ZNF704: variants seen among roughly 807,000 people sequenced by gnomAD.
ZNF704 encodes zinc finger protein 704.
ZNF704 carries 10 observed loss-of-function variants against 44.7 expected under a neutral mutation model. That is an observed-to-expected ratio of 0.22 (90% CI 0.14 to 0.38). The LOEUF is 0.38. ZNF704 is among the 10% of genes least tolerant of loss of function. The pLI is 1.00. For synonymous variants in ZNF704, 211 were observed against 207.6 expected, an observed-to-expected ratio of 1.02 and a Z score of -0.14; for missense variants, 390 against 545.5, an observed-to-expected ratio of 0.71 and a Z score of 2.84.
chr8:80,653,795 C>A (rs1585925411), intron 7 of ZNF704, among the ~76,000 whole-genome samples: 1 of 152,150 alleles, frequency 6.6e-6, no homozygotes, highest in African/African-American at 2.4e-5. Context: ...AATGTCATCC[C>A]CATCAAGCTA....
chr8:80,834,618 G>A (rs150791115), intron 1 of ZNF704, among the ~76,000 whole-genome samples: 24 of 152,122 alleles, frequency 1.6e-4, no homozygotes, highest in East Asian at 1.5e-3. Flanking sequence ...GTACCTATCC[G>A]CCCGTCATCT....
intron 1 of ZNF704, among the ~76,000 whole-genome samples, chr8:80,867,273 G>C (rs186323973): frequency 8.2e-4 from 125 of 152,294 alleles, no homozygotes; most frequent in African/African-American, 2.6e-3. Context: ...TCCACCTCTA[G>C]CTGAGGTACT....
intron 2 of ZNF704, among the ~76,000 whole-genome samples, chr8:80,801,817 C>G (rs1436958398): frequency 6.6e-6 from 1 of 151,822 alleles, no homozygotes; most frequent in African/African-American, 2.4e-5. Context: ...AAGAAATAAC[C>G]AAGATCAGAG....
At chr8:80,814,957 G>C (rs1476484785) in intron 2 of ZNF704, among the ~76,000 whole-genome samples, 1 of 152,134 alleles carries the variant, frequency 6.6e-6, no homozygotes, top group Non-Finnish European at 1.5e-5. Flanking sequence ...TAAAAGAAAG[G>C]AGAAAATGTA....
chr8:80,734,089 T>C (rs1051261965), intron 2 of ZNF704, among the ~76,000 whole-genome samples: 1 of 152,198 alleles, frequency 6.6e-6, no homozygotes, highest in African/African-American at 2.4e-5. Context: ...TTATGACAAG[T>C]CAACTGGTCA....
chr8:80,810,872 G>T (rs1360591387), intron 2 of ZNF704, among the ~76,000 whole-genome samples: 1 of 152,156 alleles, frequency 6.6e-6, no homozygotes, highest in African/African-American at 2.4e-5. Flanking sequence ...GCCCACAGTT[G>T]ATGAAACGCT....
chr8:80,643,033 A>T lies in ZNF704; in HGVS notation c.1127+2T>A. ...TGTGTGGAGTTTTTTAAGCTGTCGT[A>T]CCTTAAGCTGACTGTGCCTCTGGGT... On this transcript the variant is annotated splice_donor_variant, in intron 8 of 8. Coordinates refer to ENST00000327835, the MANE Select transcript of ZNF704 (RefSeq NM_001033723.3). LOFTEE classifies it high-confidence loss of function. The T allele has an allele frequency of 6.3e-7, 1 of 1,578,320 alleles. No individual in the cohort carries two copies. The highest frequency in any genetic ancestry group is 8.6e-7 in the Non-Finnish European group (1 of 1,160,454).
At chr8:80,768,057 G>A (rs1357004093) in intron 2 of ZNF704, among the ~76,000 whole-genome samples, 1 of 152,108 alleles carries the variant, frequency 6.6e-6, no homozygotes, top group Non-Finnish European at 1.5e-5. Flanking sequence ...TGGCCCAAGG[G>A]CATGCATGTT....
At chr8:80,679,406 A>G (rs974941762) in intron 4 of ZNF704, among the ~76,000 whole-genome samples, 1 of 148,946 alleles carries the variant, frequency 6.7e-6, no homozygotes, top group African/African-American at 2.6e-5. Context: ...CTAAATAAAC[A>G]ACGCCCAGAT....
At chr8:80,873,008 T>A (rs1443167747) in intron 1 of ZNF704, among the ~76,000 whole-genome samples, 2 of 152,160 alleles carry the variant, frequency 1.3e-5, no homozygotes, top group African/African-American at 4.8e-5. Context: ...GGTTTACCGG[T>A]TCTCTCACAA....
intron 2 of ZNF704, among the ~76,000 whole-genome samples, chr8:80,806,707 C>G (rs189859324): frequency 6.6e-6 from 1 of 152,228 alleles, no homozygotes; most frequent in East Asian, 1.9e-4. Context: ...ATACCACAAC[C>G]AAGAGTGGGA....
rs1817772297 is a variant in ZNF704 at position 80,643,199 on chromosome 8, G to A, written c.1033-70C>T. Reference sequence around the variant, plus strand: ...CCCATGCAGTTAGTTAACCTTTGCTGTGTGGACACTGATCCTTGACCATTA... The same window carrying A: ...CCCATGCAGTTAGTTAACCTTTGCTATGTGGACACTGATCCTTGACCATTA... On this transcript the variant is annotated intron_variant, in intron 7 of 8. Coordinates refer to ENST00000327835, the MANE Select transcript of ZNF704 (RefSeq NM_001033723.3). The A allele has an allele frequency of 2.7e-6, 3 of 1,131,580 alleles. No individual in the cohort carries two copies. The South Asian group carries it at 4.7e-5, about 18-fold the overall frequency. The allele number at this position is 1,131,580 out of a possible 1,614,324, so 70.1% of individuals were successfully genotyped here. A position where few individuals can be genotyped will look rare whatever the true frequency, so the allele number is the denominator to read the frequency against.
At chr8:80,758,295 C>A (rs1415244686) in intron 2 of ZNF704, among the ~76,000 whole-genome samples, 1 of 152,116 alleles carries the variant, frequency 6.6e-6, no homozygotes, top group African/African-American at 2.4e-5. Flanking sequence ...AATTACTAAG[C>A]ATAATTTGGG....
chr8:80,670,091 A>G (rs1045049655), intron 5 of ZNF704, among the ~76,000 whole-genome samples: 10 of 152,104 alleles, frequency 6.6e-5, no homozygotes, highest in African/African-American at 2.2e-4. Context: ...TCCACAGGTA[A>G]TTTCAGTGGG....
At chr8:80,768,554 A>C (rs1362862583) in intron 2 of ZNF704, among the ~76,000 whole-genome samples, 2 of 152,170 alleles carry the variant, frequency 1.3e-5, no homozygotes, top group Admixed American at 6.6e-5. Flanking sequence ...TTCTCAATGG[A>C]TCTCTCACAC....
intron 2 of ZNF704, among the ~76,000 whole-genome samples, chr8:80,781,685 C>T (rs1807525898): frequency 6.6e-6 from 1 of 152,198 alleles, no homozygotes; most frequent in Non-Finnish European, 1.5e-5. Context: ...AGTTGGCAGT[C>T]TCTTCTAAAA....
chr8:80,726,396 C>T (rs1169625828), intron 2 of ZNF704, among the ~76,000 whole-genome samples: 1 of 152,050 alleles, frequency 6.6e-6, no homozygotes, highest in Admixed American at 6.5e-5. Context: ...TAAAAAGACA[C>T]TTTTCAGCTA....
chr8:80,778,430 T>C (rs770844136), intron 2 of ZNF704, among the ~76,000 whole-genome samples: 6 of 152,102 alleles, frequency 3.9e-5, no homozygotes, highest in South Asian at 2.1e-4. Flanking sequence ...AGTTCAACCA[T>C]TGTGGAAAGC....
At chr8:80,699,828 TCTCCCCACCCA>T (rs141384698) in intron 2 of ZNF704, among the ~76,000 whole-genome samples, 13,917 of 152,102 alleles carry the variant, frequency 0.091, 866 homozygotes, top group African/African-American at 0.17. Flanking sequence ...CTACAACTTC[TCTCCCCACCCA>T]CTCTGCCCAC....
Sources: allele counts gnomAD v4.1 joint callset (sites outside exome capture counted in the v4.1 genomes callset), GRCh38; gene constraint gnomAD v4.1.1; transcripts MANE v1.5; gene names NCBI Gene and HGNC (gene_info 2026-07-23, HGNC 2026-07-21).